The following ZFAT variants were observed in gnomAD, a reference collection of about 807,000 sequenced individuals.
ZFAT encodes zinc finger and AT-hook domain containing.
ZFAT carries 64 observed loss-of-function variants against 117.7 expected under a neutral mutation model. The ratio of observed to expected loss-of-function variants is 0.54; its 90% CI spans 0.44 to 0.67. The LOEUF is 0.67. ZFAT is among the 30% of genes least tolerant of loss of function. The pLI, the probability that ZFAT is intolerant of heterozygous loss-of-function variation, is 0.00. For missense variants in ZFAT, 1,433 were observed against 1,584.5 expected, an observed-to-expected ratio of 0.90 and a Z score of 1.62; for synonymous variants, 679 against 615.0, an observed-to-expected ratio of 1.10 and a Z score of -1.54.
At chr8:134,749,396 C>T in the ZFAT span, among the ~76,000 whole-genome samples, 1 of 152,154 alleles carries the variant, frequency 6.6e-6, no homozygotes, top group African/African-American at 2.4e-5. Flanking sequence ...AAGTTGCCAA[C>T]AAGTTTGGTG....
intron 7 of ZFAT, chr8:134,599,328 AGT>A (rs745366483): frequency 7.9e-5 from 13 of 164,688 alleles, no homozygotes; most frequent in African/African-American, 2.7e-4. Flanking sequence ...CATGCATATA[AGT>A]GTATGTGTGT....
chr8:134,478,114 T>C lies in ZFAT; in HGVS notation c.*368A>G. The C allele has an allele frequency of 4.0e-6, 1 of 249,874 alleles. No individual in the cohort carries two copies. The highest frequency in any genetic ancestry group is 7.8e-6 in the Non-Finnish European group (1 of 127,820). The allele number at this position is 249,874 out of a possible 1,614,324, so 15.5% of individuals were successfully genotyped here. On this transcript the variant is annotated 3_prime_UTR_variant, in exon 16 of 16. Transcript: ENST00000377838. This position sits in a 1 kb window ranked among gnomAD's most constrained non-coding sequence, Gnocchi z 5.2. ...TGAACATTTGGCACCTAGATGGGGG[T>C]CAAGGAGCTGGGGCTGTGATTCAGG...
At chr8:134,663,992 G>T (rs144963512) in intron 1 of ZFAT, among the ~76,000 whole-genome samples, 4 of 152,300 alleles carry the variant, frequency 2.6e-5, no homozygotes, top group African/African-American at 9.6e-5. Flanking sequence ...GTGAGCAGAG[G>T]AAAGGGGAAA....
rs577855602 is a variant in ZFAT at position 134,674,062 on chromosome 8, A to C, written c.20-16325T>G. 2.3e-3 allele frequency among the ~76,000 whole-genome samples: 349 copies of C among 152,308 alleles called. 1 individual carries two copies. The highest frequency in any genetic ancestry group is 8.1e-3 in the African/African-American group (337 of 41,574). Reference sequence around the variant, plus strand: ...TGGGTAATTCCTGCATTTCCAGCTGAGGTAGCCAGTTCATCATATTCAGTC... The same window carrying C: ...TGGGTAATTCCTGCATTTCCAGCTGCGGTAGCCAGTTCATCATATTCAGTC... On this transcript the variant is annotated intron_variant, in intron 1 of 15. Transcript: ENST00000377838.
At chr8:134,708,644 C>A (rs1227591190) in intron 1 of ZFAT, among the ~76,000 whole-genome samples, 1 of 151,944 alleles carries the variant, frequency 6.6e-6, no homozygotes, top group East Asian at 1.9e-4. Context: ...TCTGCTTTTT[C>A]TTTTCTCTTT....
the ZFAT span, among the ~76,000 whole-genome samples, chr8:134,761,261 A>G: frequency 1.1e-4 from 17 of 152,140 alleles, no homozygotes; most frequent in Non-Finnish European, 1.9e-4. Flanking sequence ...AGGCACAACC[A>G]AGACCTTCAA....
At chr8:134,532,510 C>T (rs1347488380) in intron 12 of ZFAT, among the ~76,000 whole-genome samples, 1 of 152,210 alleles carries the variant, frequency 6.6e-6, no homozygotes, top group Middle Eastern at 3.2e-3. Context: ...GAACTTTCAT[C>T]TCTGCGAACT....
chr8:134,521,986 C>A (rs552086728), intron 12 of ZFAT, among the ~76,000 whole-genome samples: 113 of 152,380 alleles, frequency 7.4e-4, no homozygotes, highest in Non-Finnish European at 1.3e-3. Context: ...GCCATGTCTT[C>A]TCTGTGGTCC....
At chr8:134,823,575 G>T in the ZFAT span, among the ~76,000 whole-genome samples, 1 of 152,216 alleles carries the variant, frequency 6.6e-6, no homozygotes, top group Non-Finnish European at 1.5e-5. Flanking sequence ...CACAGCTACT[G>T]AGAGACAGGA....
chr8:134,507,695 C>T (rs577221209), intron 15 of ZFAT, among the ~76,000 whole-genome samples: 4 of 152,310 alleles, frequency 2.6e-5, no homozygotes, highest in South Asian at 2.1e-4. Context: ...CCTGTGACCT[C>T]GTGTATCACT....
At chr8:134,643,143 C>A (rs558323266) in intron 2 of ZFAT, among the ~76,000 whole-genome samples, 2 of 152,328 alleles carry the variant, frequency 1.3e-5, no homozygotes, top group East Asian at 3.9e-4. Flanking sequence ...CCAAGGGAGG[C>A]ATTAGTATGA....
intron 11 of ZFAT, among the ~76,000 whole-genome samples, chr8:134,552,368 G>T (rs544307278): frequency 6.6e-5 from 10 of 152,298 alleles, no homozygotes; most frequent in Non-Finnish European, 1.2e-4. Flanking sequence ...ATGTCAAATT[G>T]TGGTATCATG....
At chr8:134,813,258 T>C in the ZFAT span, among the ~76,000 whole-genome samples, 16 of 152,344 alleles carry the variant, frequency 1.1e-4, no homozygotes, top group East Asian at 1.9e-4. Context: ...TGCTAACTTG[T>C]GTTCAATTTT....
intron 9 of ZFAT, 82 bp from the exon 10 acceptor site, chr8:134,584,087 C>T (rs955455436): frequency 2.4e-6 from 3 of 1,257,942 alleles, no homozygotes; most frequent in African/African-American, 3.0e-5. Context: ...TATATATATC[C>T]ATATCTAAAT....
chr8:134,828,766 G>A, the ZFAT span, among the ~76,000 whole-genome samples: 3 of 151,782 alleles, frequency 2.0e-5, no homozygotes, highest in African/African-American at 4.8e-5. Flanking sequence ...CCAAATAAAC[G>A]CAAATGCATT....
chr8:134,487,108 C>G (rs1178310519), intron 15 of ZFAT, among the ~76,000 whole-genome samples: 2 of 152,128 alleles, frequency 1.3e-5, no homozygotes, highest in African/African-American at 4.8e-5. Context: ...TGTGCACATA[C>G]ATGGATGTGA....
At chr8:134,614,233 C>T (rs1306030121) in intron 3 of ZFAT, among the ~76,000 whole-genome samples, 1 of 152,216 alleles carries the variant, frequency 6.6e-6, no homozygotes, top group Non-Finnish European at 1.5e-5. Context: ...ACCATCAAGG[C>T]CATGACTTGC....
chr8:134,595,993 T>C (rs1826897264), intron 7 of ZFAT, among the ~76,000 whole-genome samples: 3 of 152,326 alleles, frequency 2.0e-5, no homozygotes, highest in African/African-American at 4.8e-5. Flanking sequence ...CTGAAACTAA[T>C]GCAGAAGGCC....
At chr8:134,549,218 G>A (rs144940141) in intron 11 of ZFAT, among the ~76,000 whole-genome samples, 2,491 of 152,216 alleles carry the variant, frequency 0.016, 71 homozygotes, top group African/African-American at 0.057. Context: ...GAGGCAGGCG[G>A]ATCACGAGGT....
Sources: gnomAD v4.1 joint callset for allele counts (sites outside exome capture counted in the v4.1 genomes callset) on GRCh38, gnomAD v4.1.1 for gene constraint, Gnocchi (gnomAD v3.1) non-coding constraint, MANE v1.5 for transcripts, NCBI Gene and HGNC (gene_info 2026-07-23, HGNC 2026-07-21) for gene names.